The following NKAIN3 variants were observed in gnomAD, a reference collection of about 807,000 sequenced individuals.
The protein encoded by NKAIN3 is sodium/potassium transporting ATPase interacting 3.
In NKAIN3, 25 loss-of-function variants were observed where a neutral mutation model predicts 30.2. The ratio of observed to expected loss-of-function variants is 0.83; its 90% CI spans 0.60 to 1.16. The LOEUF is 1.16. Ranked by LOEUF, NKAIN3 falls within the 50% of genes most tolerant of loss-of-function variation. The pLI is 0.00. For missense variants in NKAIN3, 225 were observed against 254.1 expected (o/e 0.89, Z 0.78); for synonymous variants, 91 against 89.6 (o/e 1.02, Z -0.09).
chr8:62,810,808 T>G (rs903020678), intron 4 of NKAIN3, among the ~76,000 whole-genome samples: 4 of 152,086 alleles, frequency 2.6e-5, no homozygotes, highest in African/African-American at 9.7e-5. Flanking sequence ...TACTTTTAAT[T>G]TCTTCCTAAT....
At chr8:62,787,751 T>C (rs1484457270) in intron 4 of NKAIN3, among the ~76,000 whole-genome samples, 1 of 152,048 alleles carries the variant, frequency 6.6e-6, no homozygotes, top group Non-Finnish European at 1.5e-5. Context: ...CATTGTTCAA[T>C]TCCCACCTAT....
At chr8:62,346,325 G>A (rs568502435) in intron 1 of NKAIN3, among the ~76,000 whole-genome samples, 1 of 152,166 alleles carries the variant, frequency 6.6e-6, no homozygotes, top group South Asian at 2.1e-4. Context: ...ACATCACACT[G>A]TAACCTATAA....
intron 3 of NKAIN3, among the ~76,000 whole-genome samples, chr8:62,610,870 G>A (rs545897318): frequency 2.6e-5 from 4 of 152,026 alleles, no homozygotes; most frequent in South Asian, 4.2e-4. Context: ...GCCCTACTAC[G>A]TTTTTTACTA....
intron 3 of NKAIN3, among the ~76,000 whole-genome samples, chr8:62,696,918 A>G (rs1814174964): frequency 6.6e-6 from 1 of 152,198 alleles, no homozygotes; most frequent in Admixed American, 6.5e-5. Context: ...ATAGAATTCA[A>G]TGATTTCTCT....
chr8:62,421,292 C>T (rs1241251328), intron 1 of NKAIN3, among the ~76,000 whole-genome samples: 2 of 152,120 alleles, frequency 1.3e-5, no homozygotes, highest in Non-Finnish European at 2.9e-5. Flanking sequence ...GATCGACTGT[C>T]CCAGAATCTT....
intron 1 of NKAIN3, among the ~76,000 whole-genome samples, chr8:62,420,544 A>G (rs187349435): frequency 1.3e-3 from 193 of 152,328 alleles, no homozygotes; most frequent in African/African-American, 4.5e-3. Flanking sequence ...TCAACAAAAC[A>G]TAAGATACAG....
At chr8:62,519,237 G>T (rs1025132377) in intron 1 of NKAIN3, among the ~76,000 whole-genome samples, 1 of 152,082 alleles carries the variant, frequency 6.6e-6, no homozygotes, top group African/African-American at 2.4e-5. Context: ...GATGGAAGGA[G>T]GGTTGACTTG....
At chr8:62,569,491 TCAGGCTGGGC>T (rs1809859030) in intron 1 of NKAIN3, among the ~76,000 whole-genome samples, 2 of 152,018 alleles carry the variant, frequency 1.3e-5, no homozygotes, top group Non-Finnish European at 2.9e-5. Context: ...AAAGACTACT[TCAGGCTGGGC>T]ACAGTGGCTC....
intron 5 of NKAIN3, among the ~76,000 whole-genome samples, chr8:62,928,529 C>T (rs1366134528): frequency 2.0e-5 from 3 of 152,186 alleles, no homozygotes; most frequent in African/African-American, 7.2e-5. Flanking sequence ...GACTGGCTGG[C>T]TCTTCACTAA....
At chr8:62,393,044 C>T (rs192196991) in intron 1 of NKAIN3, among the ~76,000 whole-genome samples, 2 of 150,700 alleles carry the variant, frequency 1.3e-5, no homozygotes, top group Admixed American at 6.6e-5. Context: ...TCAGTAGAAT[C>T]GCTGGTCATA....
intron 1 of NKAIN3, among the ~76,000 whole-genome samples, chr8:62,551,672 A>C (rs140109386): frequency 6.6e-6 from 1 of 152,340 alleles, no homozygotes; most frequent in Non-Finnish European, 1.5e-5. Context: ...GGTCCCATGC[A>C]CAGAAAGCAG....
intron 1 of NKAIN3, among the ~76,000 whole-genome samples, chr8:62,505,355 A>G (rs775954447): frequency 1.3e-5 from 2 of 152,212 alleles, no homozygotes; most frequent in African/African-American, 2.4e-5. Flanking sequence ...ATATACTTCA[A>G]ACAACCTTAG....
chr8:62,415,444 C>T (rs1804414939), intron 1 of NKAIN3, among the ~76,000 whole-genome samples: 1 of 149,866 alleles, frequency 6.7e-6, no homozygotes, highest in South Asian at 2.1e-4. Flanking sequence ...CAATTGTCTA[C>T]ATAGTTGTCA....
At chr8:62,765,597 C>T (rs1219882102) in intron 4 of NKAIN3, among the ~76,000 whole-genome samples, 3 of 152,160 alleles carry the variant, frequency 2.0e-5, no homozygotes, top group African/African-American at 7.2e-5. Flanking sequence ...GATGAGTCAA[C>T]AATAATCCAA....
chr8:62,829,796 G>T (rs1819140256), intron 4 of NKAIN3, among the ~76,000 whole-genome samples: 1 of 151,760 alleles, frequency 6.6e-6, no homozygotes, highest in East Asian at 1.9e-4. Context: ...CCATTTAAAA[G>T]CTATAACCAC....
chr8:62,336,676 C>T (rs539252100), intron 1 of NKAIN3, among the ~76,000 whole-genome samples: 1 of 152,000 alleles, frequency 6.6e-6, no homozygotes, highest in Admixed American at 6.6e-5. Context: ...TAAAAATTGA[C>T]CCTAAAACAA....
At chr8:62,924,703 C>A (rs1822387495) in intron 5 of NKAIN3, among the ~76,000 whole-genome samples, 1 of 152,192 alleles carries the variant, frequency 6.6e-6, no homozygotes, top group Non-Finnish European at 1.5e-5. Context: ...TTCTTCTGGG[C>A]TGCTATATCA....
intron 4 of NKAIN3, among the ~76,000 whole-genome samples, chr8:62,756,470 T>C (rs1816456194): frequency 6.6e-6 from 1 of 152,174 alleles, no homozygotes; most frequent in Admixed American, 6.5e-5. Flanking sequence ...GTTACAGATA[T>C]ATGTATAATA....
chr8:62,565,608 T>C (rs1809725027), intron 1 of NKAIN3, among the ~76,000 whole-genome samples: 1 of 152,154 alleles, frequency 6.6e-6, no homozygotes, highest in Non-Finnish European at 1.5e-5. Context: ...TACTACATAA[T>C]GTTGCTTCTA....
Sources: gnomAD v4.1 joint callset for allele counts (sites outside exome capture counted in the v4.1 genomes callset) on GRCh38, gnomAD v4.1.1 for gene constraint, MANE v1.5 for transcripts, NCBI Gene and HGNC (gene_info 2026-07-23, HGNC 2026-07-21) for gene names.